Variants in DDX6 observed in about 807,000 individuals in gnomAD.
The protein encoded by DDX6 is DEAD-box helicase 6.
In DDX6, 7 loss-of-function variants were observed where a neutral mutation model predicts 60.6. The observed-to-expected ratio is 0.12, with a 90% CI of 0.07 to 0.22. DDX6 has a LOEUF of 0.22. Ranked by LOEUF, DDX6 falls within the 10% of genes least tolerant of loss-of-function variation. The pLI is 1.00. For synonymous variants in DDX6, 207 were observed against 201.0 expected (o/e 1.03, Z -0.25); for missense variants, 270 against 589.9 (o/e 0.46, Z 5.62).
intron 4 of DDX6, among the ~76,000 whole-genome samples, chr11:118,775,745 A>G (rs1555163494): frequency 6.6e-6 from 1 of 152,208 alleles, no homozygotes; most frequent in African/African-American, 2.4e-5. Flanking sequence ...TTAATTGCCT[A>G]TATGCTATAA....
chr11:118,769,622 AAAAC>A (rs1212978031), intron 4 of DDX6, among the ~76,000 whole-genome samples: 1 of 152,220 alleles, frequency 6.6e-6, no homozygotes, highest in Non-Finnish European at 1.5e-5. Flanking sequence ...TTGCAAAAAC[AAAAC>A]AAACAACAAC....
chr11:118,764,084 G>A (rs1327798805), intron 6 of DDX6, among the ~76,000 whole-genome samples: 1 of 152,156 alleles, frequency 6.6e-6, no homozygotes, highest in Non-Finnish European at 1.5e-5. Flanking sequence ...AGGCACACCA[G>A]ACTTCTGACA....
intron 13 of DDX6, among the ~76,000 whole-genome samples, chr11:118,753,857 G>C (rs1296227382): frequency 6.6e-6 from 1 of 152,120 alleles, no homozygotes; most frequent in Non-Finnish European, 1.5e-5. Context: ...CCCTTTAGGA[G>C]GCTGAGGCGG....
chr11:118,768,984 T>C lies in DDX6; in HGVS notation c.370-632A>G, dbSNP rs189483320. 5.1e-3 allele frequency among the ~76,000 whole-genome samples: 28 copies of C among 5,500 alleles called. No homozygotes were observed. In the East Asian group the frequency reaches 0.26, roughly 52 times the overall value. 3.6% of individuals were successfully genotyped at this position (5,500 alleles called of 152,430 possible). A position where few individuals can be genotyped will look rare whatever the true frequency, so the allele number is the denominator to read the frequency against. ...CCAGCATGAAAGAGACCTCGTCTCA[T>C]CTCAAAAAAAAAAAAAAAAAAAAAA... On this transcript the variant is annotated intron_variant, in intron 4 of 13. Coordinates refer to ENST00000534980, the MANE Select transcript of DDX6 (RefSeq NM_004397.6).
In DDX6 at chr11:118,750,961, T is replaced by C. The variant is rs1241842212; in HGVS notation, c.*1144A>G. On this transcript the variant is annotated 3_prime_UTR_variant, in exon 14 of 14. Transcript: ENST00000534980. ...CACGAGGCCAAAGTACTTTCTAGAA[T>C]TTAGTGTTGCGTAAAACTGAGCCCC... 6.6e-6 allele frequency: 1 copy of C among 152,190 alleles called. No homozygotes were observed. The highest frequency in any genetic ancestry group is 1.9e-4 in the East Asian group (1 of 5,168). The allele number at this position is 152,190 out of a possible 1,614,324, so 9.4% of individuals were successfully genotyped here.
intron 6 of DDX6, among the ~76,000 whole-genome samples, chr11:118,764,761 G>A (rs1477535873): frequency 1.3e-5 from 2 of 149,390 alleles, no homozygotes; most frequent in Non-Finnish European, 3.0e-5. Context: ...TCAAGATTGC[G>A]CCTCTGCACT....
intron 3 of DDX6, among the ~76,000 whole-genome samples, chr11:118,780,317 G>C (rs1591920284): frequency 6.6e-6 from 1 of 151,812 alleles, no homozygotes; most frequent in Non-Finnish European, 1.5e-5. Flanking sequence ...CTTGGTCATA[G>C]CCTTCTTTTT....
intron 8 of DDX6, chr11:118,759,227 T>G: frequency 5.3e-6 from 1 of 188,432 alleles, no homozygotes; most frequent in Non-Finnish European, 1.1e-5. Flanking sequence ...AACAGACTAA[T>G]TTTTGTATTT....
chr11:118,755,539 T>C (rs782656038), intron 11 of DDX6, 36 bp from the exon 12 acceptor site: 20 of 1,212,848 alleles, frequency 1.6e-5, no homozygotes, highest in Non-Finnish European at 2.3e-5. Flanking sequence ...TTTTTTCAAT[T>C]TAGAAATGTC....
At chr11:118,755,075 A>T (rs964510323) in intron 12 of DDX6, among the ~76,000 whole-genome samples, 188 bp from the exon 13 acceptor site, 7 of 152,204 alleles carry the variant, frequency 4.6e-5, no homozygotes, top group Admixed American at 6.5e-5. Context: ...CGCAGCCCAA[A>T]ATAGTACTTC....
intron 5 of DDX6, 97 bp downstream of exon 5, chr11:118,768,126 A>T: frequency 8.7e-7 from 1 of 1,147,844 alleles, no homozygotes; most frequent in Non-Finnish European, 1.2e-6. Context: ...AATTTTAGAT[A>T]ATGTAAATTC....
intron 7 of DDX6, among the ~76,000 whole-genome samples, chr11:118,761,861 G>A (rs1294325437): frequency 3.6e-4 from 48 of 133,974 alleles, no homozygotes; most frequent in South Asian, 4.6e-4. Flanking sequence ...AAATTAAATG[G>A]AAAAAAAAAA....
At position 118,750,708 on chromosome 11, in the gene DDX6, C is replaced by T. The variant is rs1860729457; in HGVS notation, c.*1397G>A. The T allele has an allele frequency of 6.6e-6, 1 of 151,906 alleles. No individual in the cohort carries two copies. Among genetic ancestry groups the T allele is most frequent in the African/African-American group, 2.4e-5 (1 of 41,382 alleles). The allele number at this position is 151,906 out of a possible 1,614,324, so 9.4% of individuals were successfully genotyped here. A position where few individuals can be genotyped will look rare whatever the true frequency, so the allele number is the denominator to read the frequency against. On this transcript the variant is annotated 3_prime_UTR_variant, in exon 14 of 14. Coordinates refer to ENST00000534980, the MANE Select transcript of DDX6 (RefSeq NM_004397.6). ...CTGCAAGGTAGATTAATCTTTGCCC[C>T]CTGTTGCAGAGCTTGAAATATTCCT...
In DDX6 at chr11:118,768,987, C is replaced by CAAAAAAAAAAAAA. The variant is rs782136763; in HGVS notation, c.370-648_370-636dup. Among the ~76,000 whole-genome samples the CAAAAAAAAAAAAA allele has an allele frequency of 3.0e-4, 12 of 39,982 alleles. 3 individuals are homozygous for CAAAAAAAAAAAAA. Among genetic ancestry groups the CAAAAAAAAAAAAA allele is most frequent in the Admixed American group, 9.7e-4 (2 of 2,070 alleles). 26.2% of individuals were successfully genotyped at this position (39,982 alleles called of 152,430 possible). On this transcript the variant is annotated intron_variant, in intron 4 of 13. Transcript: ENST00000534980. ...GCATGAAAGAGACCTCGTCTCATCTCAAAAAAAAAAAAAAAAAAAAAAGGC... is the reference window on the plus strand; with the variant it reads ...GCATGAAAGAGACCTCGTCTCATCTCAAAAAAAAAAAAAAAAAAAAAAAAAAAAAAAAAAAGGC...
intron 13 of DDX6, among the ~76,000 whole-genome samples, chr11:118,752,738 C>T (rs1375690964): frequency 6.6e-6 from 1 of 152,084 alleles, no homozygotes; most frequent in Non-Finnish European, 1.5e-5. Flanking sequence ...AACAACCTAC[C>T]TTGCTTAAAG....
chr11:118,755,542 G>A, intron 11 of DDX6, 39 bp from the exon 12 acceptor site: 2 of 1,175,378 alleles, frequency 1.7e-6, no homozygotes, highest in Non-Finnish European at 2.5e-6. Flanking sequence ...TTTCAATTTA[G>A]AAATGTCTCT....
At chr11:118,763,524 CAT>C (rs1359623268) in intron 6 of DDX6, among the ~76,000 whole-genome samples, 9 of 151,916 alleles carry the variant, frequency 5.9e-5, no homozygotes, top group African/African-American at 2.2e-4. Flanking sequence ...GTATGCAGCA[CAT>C]GACTATCTTT....
chr11:118,757,119 T>G (rs537085403), intron 10 of DDX6, 52 bp downstream of exon 10: 6 of 971,240 alleles, frequency 6.2e-6, no homozygotes, highest in African/African-American at 5.1e-5. Context: ...TAAAACAAAA[T>G]AAAGAAAGAG....
At position 118,778,002 on chromosome 11, in the gene DDX6, C is replaced by G. The variant is rs371744335; in HGVS notation, c.369+1630G>C. Among the ~76,000 whole-genome samples the G allele has an allele frequency of 2.1e-3, 317 of 147,888 alleles. 10 individuals are homozygous for G. The South Asian group carries it at 0.064, about 30-fold the overall frequency. ...AGAGCTTACATTGGCCAGATCTAGG[C>G]TATTTTTAGAATAATAATAAAAAAA... On this transcript the variant is annotated intron_variant, in intron 4 of 13. Transcript: ENST00000534980.
Sources: gnomAD v4.1 joint callset for allele counts (sites outside exome capture counted in the v4.1 genomes callset) on GRCh38, gnomAD v4.1.1 for gene constraint, MANE v1.5 for transcripts, NCBI Gene and HGNC (gene_info 2026-07-23, HGNC 2026-07-21) for gene names.